Variants in THBS3 observed in about 807,000 individuals in gnomAD.
THBS3 encodes thrombospondin-3.
THBS3 carries 78 observed loss-of-function variants against 118.3 expected under a neutral mutation model. The observed-to-expected ratio is 0.66, with a 90% CI of 0.55 to 0.80. The LOEUF (loss-of-function observed/expected upper bound fraction) is 0.80. THBS3 is among the 30% of genes least tolerant of loss of function. THBS3 has a pLI of 0.00. For synonymous variants in THBS3, 427 were observed against 475.3 expected (o/e 0.90, Z 1.32); for missense variants, 1,057 against 1,247.4 (o/e 0.85, Z 2.30).
chr1:155,201,443 C>T lies in THBS3; in HGVS notation c.1303G>A (p.Glu435Lys), dbSNP rs1267810757. ...TGGCAGGACACTGCACCATTGCGTT[C>T]AAAGAGACAGTGAGCATGGATGTGG... ...PCHIHAHCLF[E>K]RNGAVSCQCN... The change falls in exon 11 of 23, where the codon GAA (glutamate) becomes AAA (lysine). Residue 435 changes from glutamate (E) to lysine (K), a missense_variant. By Grantham distance (56) the Glu-to-Lys change is moderately conservative (BLOSUM62 1). Transcript: ENST00000368378. 2 of 1,611,354 alleles carry T rather than the reference C, an allele frequency of 1.2e-6. No individual in the cohort carries two copies. Among genetic ancestry groups the T allele is most frequent in the Admixed American group, 1.7e-5 (1 of 59,700 alleles).
rs144647693 is a variant in THBS3, at chr1:155,197,546, C to G, written c.2416G>C (p.Val806Leu). The change falls in exon 20 of 23, where the codon GTA (valine) becomes CTA (leucine). Residue 806 changes from valine (V) to leucine (L), a missense_variant. Physicochemically the swap from Val to Leu is conservative, Grantham distance 32 (BLOSUM62 1). Transcript: ENST00000368378. The surrounding 1 kb of genome is among the most constrained non-coding windows in gnomAD (Gnocchi z 5.0). The stretch of plus-strand genomic sequence containing the variant: ...TGCTCGGTCTGCTTCCACATGACTA[C>G]GTAGAAGCGGCCACTGTCTTGATAA... ...FSYQDSGRFY[V>L]VMWKQTEQTY... 6.2e-7 allele frequency: 1 copy of G among 1,614,006 alleles called. No homozygotes were observed. The highest frequency in any genetic ancestry group is 8.5e-7 in the Non-Finnish European group (1 of 1,180,020).
Position 155,206,280 on chromosome 1 carries a change from C to G in THBS3, c.206G>C (p.Gly69Ala). The G allele has an allele frequency of 6.2e-7, 1 of 1,614,162 alleles. No homozygotes were observed. Among genetic ancestry groups the G allele is most frequent in the Non-Finnish European group, 8.5e-7 (1 of 1,180,030 alleles). Residue 69 changes from glycine (G) to alanine (A), a missense_variant, in exon 2 of 23, where the codon GGT becomes GCT. Physicochemically the swap from Gly to Ala is moderately conservative, Grantham distance 60. Around this residue, in one of 3 missense-constraint regions of THBS3, gnomAD observed 206 missense variants for 205.7 expected, o/e 1.00. Coordinates refer to ENST00000368378, the MANE Select transcript of THBS3 (RefSeq NM_007112.5). This position sits in a 1 kb window ranked among gnomAD's most constrained non-coding sequence, Gnocchi z 4.2. ...LSTFRLPPKQ[G>A]GVLFGLYSRQ... ...AGAATAGAGGCCAAAGAGGACACCACCCTGCTTGGGGGGCAGGCGGAAGGT... is the reference window on the plus strand; with the variant it reads ...AGAATAGAGGCCAAAGAGGACACCAGCCTGCTTGGGGGGCAGGCGGAAGGT...
intron 13 of THBS3, 90 bp from the exon 14 acceptor site, chr1:155,200,700 A>G: frequency 6.4e-7 from 1 of 1,571,348 alleles, no homozygotes; most frequent in Non-Finnish European, 8.6e-7. Context: ...CTTTTCTAAG[A>G]TCACACCCTT....
chr1:155,204,781 A>G (rs1670301272), intron 4 of THBS3, 74 bp downstream of exon 4: 1 of 1,313,382 alleles, frequency 7.6e-7, no homozygotes, highest in Non-Finnish European at 1.1e-6. Flanking sequence ...AGGGAGAGGG[A>G]GATCAAGAAG....
At chr1:155,208,595 T>C (rs1441327849), upstream of THBS3, 3 of 565,266 alleles carry the variant, frequency 5.3e-6, no homozygotes, top group Admixed American at 6.5e-5. Context: ...TGTGGAACAC[T>C]GTGGGTACTA....
At chr1:155,203,410 AACCT>A in intron 5 of THBS3, 99 bp downstream of exon 5, 4 of 1,588,294 alleles carry the variant, frequency 2.5e-6, no homozygotes, top group Non-Finnish European at 3.4e-6. Context: ...CCTGCCTTTA[AACCT>A]ACTACATTCC....
In THBS3 at chr1:155,202,928, TG is replaced by T; in HGVS notation, c.840del (p.Asn281IlefsTer205). The T allele has an allele frequency of 6.2e-7, 1 of 1,613,954 alleles. No individual in the cohort carries two copies. Among genetic ancestry groups the T allele is most frequent in the Non-Finnish European group, 8.5e-7 (1 of 1,180,008 alleles). On this transcript the variant is annotated frameshift_variant, in exon 8 of 23. Coordinates refer to ENST00000368378, the MANE Select transcript of THBS3 (RefSeq NM_007112.5). LOFTEE classifies it high-confidence loss of function. This position sits in a 1 kb window ranked among gnomAD's most constrained non-coding sequence, Gnocchi z 5.5. ...GFHEQRSHCSPNPCFRGVDCM... is the reference protein window; with the variant it reads ...GFHEQRSHCSXNPCFRGVDCM... ...CAGTCCACACCTCGGAAGCAGGGAT[TG>T]GGGCTGCAGTGGGAACGCTGCTCAT...
chr1:155,205,467 AC>A, intron 2 of THBS3, 151 bp from the exon 3 acceptor site: 1 of 1,091,876 alleles, frequency 9.2e-7, no homozygotes, highest in South Asian at 1.6e-5. Flanking sequence ...TAATAGGTAC[AC>A]AATAAATGTT....
intron 1 of THBS3, among the ~76,000 whole-genome samples, chr1:155,207,498 T>G (rs1438133144): frequency 6.7e-6 from 1 of 149,024 alleles, no homozygotes; most frequent in South Asian, 2.2e-4. Flanking sequence ...TCCCAGACCC[T>G]AGGGTGCCTA....
chr1:155,205,216 G>A lies in THBS3; in HGVS notation c.387C>T (p.Leu129=). ...DGRTHTVLLR[L]RGPSRPSPAL... is the part of the protein sequence containing the mutation. ...CAGGGCTGGGTCTGGAGGGACCTCG[G>A]AGTCGCAGGAGAACTGTGTGTGTGC... is the stretch of plus-strand genomic sequence containing the variant. The change falls in exon 3 of 23, where the codon CTC becomes CTT. Residue 129 remains leucine (L), a synonymous_variant. Transcript: ENST00000368378. The A allele has an allele frequency of 6.2e-7, 1 of 1,614,182 alleles. No homozygotes were observed. Among genetic ancestry groups the A allele is most frequent in the Non-Finnish European group, 8.5e-7 (1 of 1,180,040 alleles).
In THBS3 at chr1:155,206,401, C is replaced by T. The variant is rs748959792; in HGVS notation, c.85G>A (p.Asp29Asn). ...TSASQDLQVI[D>N]LLTVGESRQM... Reference sequence around the variant, plus strand: ...CGAGACTCGCCCACAGTCAGCAGGTCAATTACTGGTCAGGCAGGGGTTATC... The same window carrying T: ...CGAGACTCGCCCACAGTCAGCAGGTTAATTACTGGTCAGGCAGGGGTTATC... The change falls in exon 2 of 23, where the codon GAC becomes AAC. Residue 29 changes from aspartate (D) to asparagine (N), a missense_variant. Transcript: ENST00000368378. This position sits in a 1 kb window ranked among gnomAD's most constrained non-coding sequence, Gnocchi z 4.2. 4.3e-6 allele frequency: 7 copies of T among 1,613,962 alleles called. No homozygotes were observed. The East Asian group carries it at 1.3e-4, about 31-fold the overall frequency.
At position 155,200,517 on chromosome 1, in the gene THBS3, T is replaced by C. The variant is rs781000315; in HGVS notation, c.1642A>G (p.Asn548Asp). The change falls in exon 14 of 23, where the codon AAT (asparagine) becomes GAT (aspartate). Residue 548 changes from asparagine to aspartate, a missense_variant. By Grantham distance (23) the Asn-to-Asp change is conservative (BLOSUM62 1). Transcript: ENST00000368378. Reference sequence around the variant, plus strand: ...TTGCCATCTGTGTCCTTCTGGTCATTGTTGGGAACGTTGGGGCAATTGTCA... The same window carrying C: ...TTGCCATCTGTGTCCTTCTGGTCATCGTTGGGAACGTTGGGGCAATTGTCA... ...ACDNCPNVPNNDQKDTDGNGE... is the reference protein window; with the variant it reads ...ACDNCPNVPNDDQKDTDGNGE... 8.7e-6 allele frequency: 14 copies of C among 1,614,006 alleles called. No homozygotes were observed. The highest frequency in any genetic ancestry group is 6.7e-5 in the East Asian group (3 of 44,888).
chr1:155,195,923 G>A lies in THBS3; in HGVS notation c.2813-24C>T, dbSNP rs763401895. 56 of 1,614,084 alleles carry A rather than the reference G, an allele frequency of 3.5e-5. 1 individual carries two copies. Among genetic ancestry groups the A allele is most frequent in the Non-Finnish European group, 4.6e-5 (54 of 1,180,038 alleles). Reference sequence around the variant, plus strand: ...GTCTGAAGAAGGGGAAATAAGTAAGGTCAGAGGATGTGGCTCTCCCACAAG... The same window carrying A: ...GTCTGAAGAAGGGGAAATAAGTAAGATCAGAGGATGTGGCTCTCCCACAAG... On this transcript the variant is annotated intron_variant, in intron 22 of 22. Coordinates refer to ENST00000368378, the MANE Select transcript of THBS3 (RefSeq NM_007112.5).
rs576912992 is a variant in THBS3 at position 155,201,174 on chromosome 1, C to T, written c.1360G>A (p.Val454Met). The T allele has an allele frequency of 1.1e-5, 17 of 1,614,180 alleles. No homozygotes were observed. The highest frequency in any genetic ancestry group is 9.9e-5 in the South Asian group (9 of 91,078). The part of the protein sequence containing the change: ...CNVGWAGNGN[V>M]CGTDTDIDGY... ...TCGATGTCTGTGTCAGTCCCACACA[C>T]GTTCCCATTCCCAGCCCAGCCCACG... The change falls in exon 12 of 23, where the codon GTG becomes ATG. Residue 454 changes from valine (V) to methionine (M), a missense_variant. Coordinates refer to ENST00000368378, the MANE Select transcript of THBS3 (RefSeq NM_007112.5).
At chr1:155,201,881 T>G in intron 10 of THBS3, 76 bp downstream of exon 10, 1 of 1,599,026 alleles carries the variant, frequency 6.3e-7, no homozygotes, top group Non-Finnish European at 8.5e-7. Flanking sequence ...GCAGGAAATT[T>G]GAAGGTAAGA....
At chr1:155,204,708 G>A in intron 4 of THBS3, 147 bp downstream of exon 4, 1 of 750,126 alleles carries the variant, frequency 1.3e-6, no homozygotes. Flanking sequence ...GGAGTCAGGT[G>A]AAAGATTTGG....
In THBS3 at chr1:155,196,054, C is replaced by G; in HGVS notation, c.2745G>C (p.Gly915=). The G allele has an allele frequency of 2.5e-6, 4 of 1,614,144 alleles. No individual in the cohort carries two copies. Among genetic ancestry groups the G allele is most frequent in the Non-Finnish European group, 3.4e-6 (4 of 1,180,022 alleles). Residue 915 remains glycine (G), a synonymous_variant, in exon 22 of 23, where the codon GGG becomes GGC. Coordinates refer to ENST00000368378, the MANE Select transcript of THBS3 (RefSeq NM_007112.5). ...GVIIDTSMRG[G]RLGVFCFSQE... The stretch of plus-strand genomic sequence containing the variant: ...GGGAGAAGCAGAATACACCAAGACG[C>G]CCCCCTCGCATGGATGTGTCAATGA...
chr1:155,202,223 G>A lies in THBS3; in HGVS notation c.1098+38C>T. ...CCCAGAAGCCCCTGGCCTCTACAAG[G>A]CCAAGATCCCTTGTCCACACACACT... On this transcript the variant is annotated intron_variant, in intron 9 of 22. Coordinates refer to ENST00000368378, the MANE Select transcript of THBS3 (RefSeq NM_007112.5). The surrounding 1 kb of genome is among the most constrained non-coding windows in gnomAD (Gnocchi z 5.5). 2 of 1,606,032 alleles carry A rather than the reference G, an allele frequency of 1.2e-6. No individual in the cohort carries two copies. Among genetic ancestry groups the A allele is most frequent in the Non-Finnish European group, 1.7e-6 (2 of 1,174,878 alleles).
chr1:155,202,356 T>A lies in THBS3; in HGVS notation c.1003A>T (p.Thr335Ser). ...GCCTCACAGTGGAAGCCGGGCATGG[T>A]GTTGATGCAGCTGGAGCCCGGGAAA... ...PCFPGSSCIN[T>S]MPGFHCEACP... Residue 335 changes from threonine (T) to serine (S), a missense_variant, in exon 9 of 23, where the codon ACC becomes TCC. Transcript: ENST00000368378. The surrounding 1 kb of genome is among the most constrained non-coding windows in gnomAD (Gnocchi z 5.5). 6.2e-7 allele frequency: 1 copy of A among 1,613,974 alleles called. No individual in the cohort carries two copies. Among genetic ancestry groups the A allele is most frequent in the South Asian group, 1.1e-5 (1 of 91,078 alleles).
Sources: allele counts gnomAD v4.1 joint callset (sites outside exome capture counted in the v4.1 genomes callset), GRCh38; gene constraint gnomAD v4.1.1; regional missense constraint gnomAD v4.1.1; non-coding constraint Gnocchi (gnomAD v3.1); transcripts MANE v1.5; gene names NCBI Gene and HGNC (gene_info 2026-07-23, HGNC 2026-07-21).